Variants in SEMA3E observed in about 807,000 individuals in gnomAD.
The protein encoded by SEMA3E is semaphorin-3E.
SEMA3E carries 49 observed loss-of-function variants against 93.6 expected under a neutral mutation model. The observed-to-expected ratio is 0.52, with a 90% confidence interval of 0.42 to 0.66. SEMA3E has a LOEUF of 0.66. Among genes scored for constraint, SEMA3E ranks in the 30% least tolerant of loss-of-function variants. The pLI, the probability that SEMA3E is intolerant of heterozygous loss-of-function variation, is 0.00. For synonymous variants in SEMA3E, 363 were observed against 330.7 expected (o/e 1.10, Z -1.06); for missense variants, 906 against 964.8 (o/e 0.94, Z 0.81).
chr7:83,534,449 ATATAT>A (rs1791369851), intron 1 of SEMA3E, among the ~76,000 whole-genome samples: 2 of 152,128 alleles, frequency 1.3e-5, no homozygotes, highest in Non-Finnish European at 2.9e-5. Context: ...TACAATCATT[ATATAT>A]TATATTTTTG....
chr7:83,374,667 A>C (rs1794796961), intron 16 of SEMA3E, among the ~76,000 whole-genome samples: 2 of 152,196 alleles, frequency 1.3e-5, no homozygotes, highest in Admixed American at 6.6e-5. Flanking sequence ...TTCACAAAGT[A>C]AGAAGGAGAA....
intron 16 of SEMA3E, chr7:83,372,678 C>G (rs980743848): frequency 1.3e-5 from 2 of 156,372 alleles, no homozygotes; most frequent in Admixed American, 1.3e-4. Flanking sequence ...TTGTTTATTT[C>G]CATGTTAGAG....
intron 2 of SEMA3E, among the ~76,000 whole-genome samples, 160 bp from the exon 3 acceptor site, chr7:83,469,462 T>C (rs1179528779): frequency 1.3e-5 from 2 of 151,984 alleles, no homozygotes; most frequent in Non-Finnish European, 2.9e-5. Flanking sequence ...ACAGAATTAT[T>C]TGCATAATTA....
In SEMA3E at chr7:83,593,909, G is replaced by A. The variant is rs200615254; in HGVS notation, c.115+54519C>T. Among the ~76,000 whole-genome samples the A allele has an allele frequency of 1.3e-4, 20 of 152,158 alleles. No homozygotes were observed. The East Asian group carries it at 3.9e-3, about 29-fold the overall frequency. Reference sequence around the variant, plus strand: ...AACTGGAAGTTGGCTTCTTTTGATGGCATTTGGATAACTATAATTACCTTC... The same window carrying A: ...AACTGGAAGTTGGCTTCTTTTGATGACATTTGGATAACTATAATTACCTTC... On this transcript the variant is annotated intron_variant, in intron 1 of 16. Transcript: ENST00000643230.
intron 1 of SEMA3E, among the ~76,000 whole-genome samples, chr7:83,567,347 T>G (rs780114134): frequency 1.2e-4 from 19 of 152,136 alleles, no homozygotes; most frequent in Non-Finnish European, 2.8e-4. Context: ...TTAGACAGAC[T>G]ATTTAGACAG....
At chr7:83,486,190 A>C (rs1411549723) in intron 2 of SEMA3E, among the ~76,000 whole-genome samples, 2 of 152,064 alleles carry the variant, frequency 1.3e-5, no homozygotes, top group Non-Finnish European at 2.9e-5. Context: ...CTTCATTTAG[A>C]GGGTCTGAAT....
At chr7:83,593,991 A>G (rs1177944502) in intron 1 of SEMA3E, among the ~76,000 whole-genome samples, 3 of 152,082 alleles carry the variant, frequency 2.0e-5, no homozygotes, top group Non-Finnish European at 4.4e-5. Flanking sequence ...TTCATTTCAC[A>G]TTTGTTAAAG....
In SEMA3E at chr7:83,372,448, G is replaced by A. The variant is rs554945236; in HGVS notation, c.1876-4410C>T. The stretch of plus-strand genomic sequence containing the variant: ...GTTTATGAAAGTGATTTAAAAGAAA[G>A]CAAAAAGCAAAACTAAAAATAAATA... On this transcript the variant is annotated intron_variant, in intron 16 of 16. Transcript: ENST00000643230. 3.9e-5 allele frequency among the ~76,000 whole-genome samples: 6 copies of A among 152,090 alleles called. No individual in the cohort carries two copies. In the South Asian group the frequency reaches 1.2e-3, roughly 32 times the overall value.
intron 4 of SEMA3E, among the ~76,000 whole-genome samples, chr7:83,433,271 T>C (rs1788928517): frequency 6.6e-6 from 1 of 152,080 alleles, no homozygotes; most frequent in Admixed American, 6.6e-5. Flanking sequence ...GTAAATGTAA[T>C]ATATATATTT....
At chr7:83,423,318 T>C (rs1788705546) in intron 4 of SEMA3E, among the ~76,000 whole-genome samples, 1 of 152,150 alleles carries the variant, frequency 6.6e-6, no homozygotes, top group African/African-American at 2.4e-5. Flanking sequence ...TGTATGTATG[T>C]CTAAGGTCAA....
chr7:83,453,222 G>A (rs866406633), intron 4 of SEMA3E, among the ~76,000 whole-genome samples: 2 of 151,940 alleles, frequency 1.3e-5, no homozygotes, highest in Non-Finnish European at 2.9e-5. Context: ...TAGAGACGGG[G>A]TTTCACCACA....
At chr7:83,452,387 TAC>T (rs1257110036) in intron 4 of SEMA3E, among the ~76,000 whole-genome samples, 1 of 152,176 alleles carries the variant, frequency 6.6e-6, no homozygotes, top group Non-Finnish European at 1.5e-5. Flanking sequence ...TTTAATTAGT[TAC>T]AGAGTTCTGG....
chr7:83,419,054 TC>T (rs1468402763), intron 4 of SEMA3E, among the ~76,000 whole-genome samples: 2 of 151,832 alleles, frequency 1.3e-5, no homozygotes, highest in Non-Finnish European at 2.9e-5. Flanking sequence ...CTACGTCTCA[TC>T]CCCCTCCAGT....
intron 4 of SEMA3E, among the ~76,000 whole-genome samples, chr7:83,430,530 G>C (rs1274656414): frequency 6.6e-6 from 1 of 152,114 alleles, no homozygotes; most frequent in Non-Finnish European, 1.5e-5. Flanking sequence ...CATTTGCAGG[G>C]ACATGTATGA....
intron 1 of SEMA3E, among the ~76,000 whole-genome samples, chr7:83,578,359 C>T (rs1584343222): frequency 6.6e-6 from 1 of 152,046 alleles, no homozygotes; most frequent in Non-Finnish European, 1.5e-5. Flanking sequence ...GAGTTCGAGA[C>T]CAGCCTGGCT....
chr7:83,537,328 T>C (rs534084376), intron 1 of SEMA3E, among the ~76,000 whole-genome samples: 1 of 152,330 alleles, frequency 6.6e-6, no homozygotes, highest in South Asian at 2.1e-4. Context: ...AAAATATCCA[T>C]ACCTACATAT....
At chr7:83,420,076 A>T (rs73172307) in intron 4 of SEMA3E, among the ~76,000 whole-genome samples, 1 of 152,322 alleles carries the variant, frequency 6.6e-6, no homozygotes, top group Non-Finnish European at 1.5e-5. Flanking sequence ...GAACAGATAG[A>T]TGATTTCAAT....
intron 1 of SEMA3E, among the ~76,000 whole-genome samples, chr7:83,570,215 T>G (rs533186617): frequency 6.6e-6 from 1 of 152,278 alleles, no homozygotes; most frequent in Admixed American, 6.5e-5. Flanking sequence ...GGGATGCAGC[T>G]AACGCAGCGT....
At chr7:83,604,472 TTTAAAAATGAAAA>T (rs1793063332) in intron 1 of SEMA3E, among the ~76,000 whole-genome samples, 1 of 149,998 alleles carries the variant, frequency 6.7e-6, no homozygotes, top group Admixed American at 6.7e-5. Flanking sequence ...AATTAACAAT[TTTAAAAATGAAAA>T]ATTTTGACAC....
Sources: gnomAD v4.1 joint callset for allele counts (sites outside exome capture counted in the v4.1 genomes callset) on GRCh38, gnomAD v4.1.1 for gene constraint, MANE v1.5 for transcripts, NCBI Gene and HGNC (gene_info 2026-07-23, HGNC 2026-07-21) for gene names.